The following NOMO3 variants were observed in gnomAD, a reference collection of about 807,000 sequenced individuals.
NOMO3 encodes the protein NODAL modulator 3.
Under a neutral mutation model 69.9 loss-of-function variants are expected in NOMO3, and 15 were observed. The observed-to-expected ratio is 0.21, with a 90% CI of 0.14 to 0.33. The LOEUF is 0.33. Ranked by LOEUF, NOMO3 falls within the 10% of genes least tolerant of loss-of-function variation. The probability of loss-of-function intolerance (pLI) is 1.00; values close to 1 mark genes in which losing one functional copy is unlikely to be tolerated. For missense variants in NOMO3, 218 were observed against 761.0 expected, an observed-to-expected ratio of 0.29 and a Z score of 8.39; for synonymous variants, 89 against 301.9, an observed-to-expected ratio of 0.29 and a Z score of 7.31.
At chr16:16,232,874 G>A in intron 1 of NOMO3, 43 bp downstream of exon 1, 1 of 237,240 alleles carries the variant, frequency 4.2e-6, no homozygotes, top group Non-Finnish European at 6.5e-6. Context: ...CGCCGGGCCG[G>A]TGGTTCAGCC....
chr16:16,265,944 G>T (rs1368118330), intron 15 of NOMO3, among the ~76,000 whole-genome samples: 19 of 144,728 alleles, frequency 1.3e-4, no homozygotes, highest in African/African-American at 5.3e-4. Flanking sequence ...ATCCACCCGC[G>T]TTGGCCTCGC....
At chr16:16,255,877 C>T (rs1186195354) in intron 10 of NOMO3, 52 bp downstream of exon 10, 2 of 1,490,132 alleles carry the variant, frequency 1.3e-6, no homozygotes, top group African/African-American at 1.9e-5. Flanking sequence ...TTTTGGATCA[C>T]AGAGAGAAAT....
At chr16:16,243,101 C>G in intron 3 of NOMO3, 60 bp from the exon 4 acceptor site, 1 of 663,096 alleles carries the variant, frequency 1.5e-6, no homozygotes, top group South Asian at 2.1e-5. Context: ...CACTGTACCC[C>G]AAAACTAAGC....
Position 16,237,061 on chromosome 16 carries a change from T to C in NOMO3, c.255+71T>C, listed in dbSNP as rs200199084. 526 of 1,583,362 alleles carry C rather than the reference T, an allele frequency of 3.3e-4. 27 individuals are homozygous for C. The highest frequency in any genetic ancestry group is 2.1e-3 in the African/African-American group (134 of 63,622). On this transcript the variant is annotated intron_variant, in intron 2 of 30. Transcript: ENST00000399336. ...GCCTCACCAGGCTGCATTAACCATG[T>C]CCTTTCCTACACTAGCAAATGCTCA... is the stretch of plus-strand genomic sequence containing the variant.
chr16:16,254,783 A>G (rs1461723577), intron 9 of NOMO3, among the ~76,000 whole-genome samples: 1 of 144,982 alleles, frequency 6.9e-6, no homozygotes, highest in East Asian at 2.2e-4. Flanking sequence ...TACACAGATC[A>G]GGGCTGGAAC....
intron 4 of NOMO3, among the ~76,000 whole-genome samples, chr16:16,244,189 G>A (rs1026231101): frequency 2.8e-5 from 4 of 142,098 alleles, no homozygotes; most frequent in Non-Finnish European, 4.5e-5. Context: ...CTACCTTTGC[G>A]GTGACGGGGA....
At chr16:16,260,732 G>GTACTATTA (rs1388397476) in intron 11 of NOMO3, 1 of 141,664 alleles carries the variant, frequency 7.1e-6, no homozygotes, top group Non-Finnish European at 1.5e-5. Context: ...CAGCTAGGAT[G>GTACTATTA]TACTATTACA....
chr16:16,263,246 A>G, intron 13 of NOMO3, 31 bp downstream of exon 13: 1 of 1,595,330 alleles, frequency 6.3e-7, no homozygotes, highest in Non-Finnish European at 8.5e-7. Context: ...AAGAACACAT[A>G]GTTTCAAAGA....
chr16:16,264,673 G>A (rs1174318770), intron 14 of NOMO3, among the ~76,000 whole-genome samples: 13 of 134,982 alleles, frequency 9.6e-5, no homozygotes, highest in African/African-American at 3.3e-4. Flanking sequence ...TCAGCTTCCC[G>A]AGTAGCTGGG....
At chr16:16,234,201 C>T (rs1403051251) in intron 1 of NOMO3, among the ~76,000 whole-genome samples, 1 of 151,492 alleles carries the variant, frequency 6.6e-6, no homozygotes, top group Admixed American at 6.6e-5. Context: ...GCACTGGGGA[C>T]AGGACACGTT....
intron 9 of NOMO3, 141 bp from the exon 10 acceptor site, chr16:16,255,579 G>A (rs1284579654): frequency 1.6e-6 from 1 of 631,038 alleles, no homozygotes; most frequent in East Asian, 3.3e-5. Flanking sequence ...AGCCCGGCTG[G>A]CACACAGGAC....
intron 1 of NOMO3, among the ~76,000 whole-genome samples, chr16:16,236,345 A>C (rs2049326812): frequency 7.0e-6 from 1 of 141,976 alleles, no homozygotes; most frequent in African/African-American, 2.9e-5. Context: ...CCTGAGTTCA[A>C]ACAATTTTCC....
At position 16,263,276 on chromosome 16, in the gene NOMO3, G is replaced by A. The variant is rs186196585; in HGVS notation, c.1537+61G>A. ...CAAAGAAGTCAGCCGGTAGGAGTGG[G>A]ATTTGGGAAACTTTTTGTTTTGCCT... On this transcript the variant is annotated intron_variant, in intron 13 of 30. Coordinates refer to ENST00000399336, the MANE Select transcript of NOMO3 (RefSeq NM_001004067.4). 3,119 of 1,595,168 alleles carry A rather than the reference G, an allele frequency of 2.0e-3. 133 individuals carry two copies. Among genetic ancestry groups the A allele is most frequent in the Admixed American group, 2.6e-3 (155 of 58,964 alleles).
chr16:16,267,807 C>T (rs1437551301), intron 16 of NOMO3, among the ~76,000 whole-genome samples: 1 of 136,948 alleles, frequency 7.3e-6, no homozygotes, highest in Non-Finnish European at 1.5e-5. Flanking sequence ...TTAAGATGTA[C>T]AATAAAATGA....
Position 16,232,710 on chromosome 16 carries a change from T to G in NOMO3, c.44T>G (p.Val15Gly). The part of the protein sequence containing the change: ...QGAGPLGPAV[V>G]TAAVVLLLSG... ...GCGGGGCCGCTGGGGCCCGCGGTGG[T>G]CACCGCCGCGGTGGTGCTGCTGCTG... is the stretch of plus-strand genomic sequence containing the variant. The change falls in exon 1 of 31, where the codon GTC (valine) becomes GGC (glycine). Residue 15 changes from valine to glycine, a missense_variant. Val to Gly is a moderately radical substitution (Grantham distance 109). Transcript: ENST00000399336. 1 of 776,934 alleles carries G rather than the reference T, an allele frequency of 1.3e-6. No homozygotes were observed. Among genetic ancestry groups the G allele is most frequent in the Non-Finnish European group, 1.7e-6 (1 of 586,212 alleles). 48.1% of individuals were successfully genotyped at this position (776,934 alleles called of 1,614,324 possible). A position where few individuals can be genotyped will look rare whatever the true frequency, so the allele number is the denominator to read the frequency against.
Position 16,235,440 on chromosome 16 carries a change from G to A in NOMO3, c.166-1461G>A, listed in dbSNP as rs1025372410. ...TCCTTGAGCCCAGTATGTTCCCTACGTATTACACTGTGTTGCCTTTTTCTT... is the reference window on the plus strand; with the variant it reads ...TCCTTGAGCCCAGTATGTTCCCTACATATTACACTGTGTTGCCTTTTTCTT... On this transcript the variant is annotated intron_variant, in intron 1 of 30. Transcript: ENST00000399336. Among the ~76,000 whole-genome samples, 40 of 148,996 alleles carry A rather than the reference G, an allele frequency of 2.7e-4. 2 individuals are homozygous for A. The highest frequency in any genetic ancestry group is 5.3e-4 in the Admixed American group (8 of 15,132).
chr16:16,268,468 T>C (rs2049637204), intron 16 of NOMO3, among the ~76,000 whole-genome samples: 2 of 144,076 alleles, frequency 1.4e-5, no homozygotes, highest in Admixed American at 1.3e-4. Context: ...GGTTTTGTTT[T>C]GCATTTTCCT....
intron 1 of NOMO3, among the ~76,000 whole-genome samples, chr16:16,233,511 T>G (rs1354874078): frequency 7.9e-6 from 1 of 126,806 alleles, no homozygotes; most frequent in African/African-American, 3.0e-5. Flanking sequence ...GGTTTTTTTT[T>G]TTTTTTTTTT....
rs1170839881 is a variant in NOMO3, at chr16:16,255,113, A to T, written c.964-607A>T. Among the ~76,000 whole-genome samples the T allele has an allele frequency of 2.8e-5, 4 of 143,620 alleles. 1 individual carries two copies. Among genetic ancestry groups the T allele is most frequent in the Non-Finnish European group, 5.9e-5 (4 of 67,716 alleles). The allele number at this position is 143,620 out of a possible 152,430, so 94.2% of individuals were successfully genotyped here. Reference sequence around the variant, plus strand: ...TTTTTAGTGGAGACAGGGCTTCACCATGTTGGCCAGGCTGGTCTTGGACTG... The same window carrying T: ...TTTTTAGTGGAGACAGGGCTTCACCTTGTTGGCCAGGCTGGTCTTGGACTG... On this transcript the variant is annotated intron_variant, in intron 9 of 30. Transcript: ENST00000399336.
Sources: gnomAD v4.1 joint callset for allele counts (sites outside exome capture counted in the v4.1 genomes callset) on GRCh38, gnomAD v4.1.1 for gene constraint, MANE v1.5 for transcripts, NCBI Gene and HGNC (gene_info 2026-07-23, HGNC 2026-07-21) for gene names.